Variants in DCBLD2 observed in about 807,000 individuals in gnomAD.
DCBLD2 encodes discoidin, CUB and LCCL domain containing 2.
A neutral mutation model predicts 86.8 loss-of-function variants in DCBLD2; 54 were observed. The observed-to-expected ratio is 0.62, with a 90% CI of 0.50 to 0.78. The LOEUF (loss-of-function observed/expected upper bound fraction) is 0.78. DCBLD2 is among the 30% of genes least tolerant of loss of function. DCBLD2 has a pLI of 0.00. For missense variants in DCBLD2, 908 were observed against 954.2 expected, an observed-to-expected ratio of 0.95 and a Z score of 0.64; for synonymous variants, 354 against 341.3, an observed-to-expected ratio of 1.04 and a Z score of -0.41.
chr3:98,878,567 T>G (rs1472337092), intron 2 of DCBLD2, among the ~76,000 whole-genome samples: 2 of 152,244 alleles, frequency 1.3e-5, no homozygotes, highest in African/African-American at 2.4e-5. Context: ...TTCTATCCTG[T>G]AATTCTCTGC....
intron 4 of DCBLD2, among the ~76,000 whole-genome samples, 154 bp from the exon 5 acceptor site, chr3:98,822,895 G>A (rs1257868028): frequency 6.6e-6 from 1 of 151,896 alleles, no homozygotes; most frequent in African/African-American, 2.4e-5. Flanking sequence ...TTTTTGACAC[G>A]GAGTTTCACT....
In DCBLD2 at chr3:98,817,818, T is replaced by C; in HGVS notation, c.1163A>G (p.Asp388Gly). Reference sequence around the variant, plus strand: ...TCTGTACACAGTCCATTTCTGCCCATCATCACTGTACAGGATTCTGTAGGC... The same window carrying C: ...TCTGTACACAGTCCATTTCTGCCCACCATCACTGTACAGGATTCTGTAGGC... ...VSAYRILYSD[D>G]GQKWTVYREP... The change falls in exon 9 of 16, where the codon GAT (aspartate) becomes GGT (glycine). Residue 388 changes from aspartate to glycine, a missense_variant. This residue lies in a region of DCBLD2 where 606 missense variants were observed against 678.5 expected (regional missense o/e 0.89). Coordinates refer to ENST00000326840, the MANE Select transcript of DCBLD2 (RefSeq NM_080927.4). 2 of 1,613,746 alleles carry C rather than the reference T, an allele frequency of 1.2e-6. No homozygotes were observed. The highest frequency in any genetic ancestry group is 2.2e-5 in the East Asian group (1 of 44,858).
intron 2 of DCBLD2, among the ~76,000 whole-genome samples, chr3:98,874,493 A>G (rs888969462): frequency 1.3e-5 from 2 of 152,180 alleles, no homozygotes; most frequent in Non-Finnish European, 2.9e-5. Flanking sequence ...CATTACCTCC[A>G]TAGATGCTAA....
chr3:98,895,509 T>C (rs1470579006), intron 1 of DCBLD2: 2 of 152,298 alleles, frequency 1.3e-5, no homozygotes, highest in East Asian at 1.9e-4. Context: ...GTTATAATCT[T>C]ATGATCTTAC....
At chr3:98,882,204 A>G (rs916178363) in intron 1 of DCBLD2, among the ~76,000 whole-genome samples, 1 of 152,200 alleles carries the variant, frequency 6.6e-6, no homozygotes, top group African/African-American at 2.4e-5. Context: ...TACTTATATA[A>G]TTTATAAGTT....
At chr3:98,888,155 G>A (rs888155676) in intron 1 of DCBLD2, among the ~76,000 whole-genome samples, 2 of 151,314 alleles carry the variant, frequency 1.3e-5, no homozygotes, top group East Asian at 3.9e-4. Flanking sequence ...TTTGTGGCTT[G>A]ATAGCTCATT....
chr3:98,892,437 A>G (rs1456313133), intron 1 of DCBLD2, among the ~76,000 whole-genome samples: 2 of 152,058 alleles, frequency 1.3e-5, no homozygotes, highest in Non-Finnish European at 2.9e-5. Flanking sequence ...CCCCCTGGTT[A>G]TTTGACTGGT....
chr3:98,819,122 C>T, intron 8 of DCBLD2, 80 bp downstream of exon 8: 1 of 1,341,302 alleles, frequency 7.5e-7, no homozygotes, highest in East Asian at 2.5e-5. Flanking sequence ...CCTTAATTTT[C>T]TCTGAAAATC....
intron 2 of DCBLD2, among the ~76,000 whole-genome samples, chr3:98,868,986 T>C (rs1265941413): frequency 6.6e-6 from 1 of 152,234 alleles, no homozygotes; most frequent in Non-Finnish European, 1.5e-5. Flanking sequence ...CAGATATCAG[T>C]AGTGAGACTG....
At chr3:98,823,188 A>G (rs1282615446) in intron 4 of DCBLD2, among the ~76,000 whole-genome samples, 2 of 152,100 alleles carry the variant, frequency 1.3e-5, no homozygotes, top group African/African-American at 4.8e-5. Flanking sequence ...CACCAGTTCT[A>G]AAAAGCCCTT....
At chr3:98,822,621 A>G (rs1444417395) in intron 5 of DCBLD2, 48 bp downstream of exon 5, 2 of 1,506,992 alleles carry the variant, frequency 1.3e-6, no homozygotes, top group East Asian at 4.9e-5. Context: ...GAGTTCTAAA[A>G]AAATAGAGTT....
chr3:98,893,955 A>G (rs569922532), intron 1 of DCBLD2, among the ~76,000 whole-genome samples: 22 of 152,336 alleles, frequency 1.4e-4, no homozygotes, highest in Admixed American at 2.6e-4. Context: ...CATTTGTGGC[A>G]GATCTAATCA....
chr3:98,809,195 T>C (rs1046731608), intron 12 of DCBLD2, among the ~76,000 whole-genome samples: 2 of 152,144 alleles, frequency 1.3e-5, no homozygotes, highest in Admixed American at 6.6e-5. Context: ...TAGAAAATGA[T>C]CTGCCTAAGG....
intron 2 of DCBLD2, among the ~76,000 whole-genome samples, chr3:98,856,678 G>T (rs1942935808): frequency 6.6e-6 from 1 of 152,004 alleles, no homozygotes; most frequent in Admixed American, 6.6e-5. Context: ...CAGAAACTAG[G>T]GGCAGAAATG....
rs539158580 is a variant in DCBLD2 at position 98,812,345 on chromosome 3, C to A, written c.1350G>T (p.Gln450His). 6.2e-7 allele frequency: 1 copy of A among 1,613,364 alleles called. No individual in the cohort carries two copies. The highest frequency in any genetic ancestry group is 1.7e-5 in the Admixed American group (1 of 59,902). The change falls in exon 10 of 16, where the codon CAG (glutamine) becomes CAT (histidine). Residue 450 changes from glutamine (Q) to histidine (H), a missense_variant. Physicochemically the swap from Gln to His is conservative, Grantham distance 24 (BLOSUM62 0). Around this residue, in one of 3 missense-constraint regions of DCBLD2, gnomAD observed 606 missense variants for 678.5 expected, o/e 0.89. Transcript: ENST00000326840. Reference protein sequence around the residue: ...IAMKMELLGCQFIPKGRPPKL... With the variant: ...IAMKMELLGCHFIPKGRPPKL... ...CTGTCTCTTTACCTTTAGGAATAAACTGACATCCGAGCAGCTCCATTTTCA... is the reference window on the plus strand; with the variant it reads ...CTGTCTCTTTACCTTTAGGAATAAAATGACATCCGAGCAGCTCCATTTTCA...
chr3:98,878,211 C>A (rs1219584048), intron 2 of DCBLD2, among the ~76,000 whole-genome samples: 1 of 152,104 alleles, frequency 6.6e-6, no homozygotes, highest in Non-Finnish European at 1.5e-5. Flanking sequence ...GTGTAGAAAA[C>A]TGAGAGACAT....
chr3:98,809,353 A>G (rs1941894718), intron 12 of DCBLD2, among the ~76,000 whole-genome samples: 1 of 152,132 alleles, frequency 6.6e-6, no homozygotes, highest in African/African-American at 2.4e-5. Flanking sequence ...ATTCCTTAAA[A>G]CAACTGTATC....
intron 3 of DCBLD2, among the ~76,000 whole-genome samples, chr3:98,844,050 ACAC>A (rs1279243522): frequency 2.2e-4 from 34 of 151,600 alleles, no homozygotes; most frequent in African/African-American, 7.8e-4. Flanking sequence ...ACACACACAC[ACAC>A]ACACACACAC....
chr3:98,822,081 C>T, intron 6 of DCBLD2, 147 bp downstream of exon 6: 2 of 982,102 alleles, frequency 2.0e-6, no homozygotes, highest in Non-Finnish European at 3.3e-6. Flanking sequence ...ACACTGAGCA[C>T]ACTAATGTGA....
Sources: gnomAD v4.1 joint callset for allele counts (sites outside exome capture counted in the v4.1 genomes callset) on GRCh38, gnomAD v4.1.1 for gene constraint, gnomAD v4.1.1 regional missense constraint, MANE v1.5 for transcripts, NCBI Gene and HGNC (gene_info 2026-07-23, HGNC 2026-07-21) for gene names.